The following BCR variants were observed in gnomAD, a reference collection of about 807,000 sequenced individuals.
BCR encodes the protein BCR activator of RhoGEF and GTPase, also known as breakpoint cluster region protein.
Under a neutral mutation model 138.6 loss-of-function variants are expected in BCR, and 58 were observed. The ratio of observed to expected loss-of-function variants is 0.42; its 90% CI spans 0.34 to 0.52. BCR has a LOEUF of 0.52. BCR is among the 20% of genes least tolerant of loss of function. The probability of loss-of-function intolerance (pLI) is 0.06; values close to 1 mark genes in which losing one functional copy is unlikely to be tolerated. For missense variants in BCR, 1,599 were observed against 1,727.2 expected, an observed-to-expected ratio of 0.93 and a Z score of 1.32; for synonymous variants, 786 against 730.1, an observed-to-expected ratio of 1.08 and a Z score of -1.23.
Position 23,253,966 on chromosome 22 carries a change from G to T in BCR, c.1447G>T (p.Glu483Ter), listed in dbSNP as rs1267825856. 6.2e-7 allele frequency: 1 copy of T among 1,612,488 alleles called. No homozygotes were observed. Among genetic ancestry groups the T allele is most frequent in the African/African-American group, 1.3e-5 (1 of 75,026 alleles). ...GGATGCGCTGGTCTCGGGAGCCCTG[G>T]AGTCCACTAAAGCGGTGAGTCCCCA... ...SRDALVSGALESTKASELDLE... is the reference protein window; with the variant it reads ...SRDALVSGAL The change falls in exon 2 of 23, where the codon GAG (glutamate) becomes TAG (stop). Residue 483 changes from glutamate to a stop codon, truncating the protein, a stop_gained. Transcript: ENST00000305877. LOFTEE classifies it high-confidence loss of function.
chr22:23,184,478 A>AT (rs1252745132), intron 1 of BCR, among the ~76,000 whole-genome samples: 1 of 152,004 alleles, frequency 6.6e-6, no homozygotes, highest in Non-Finnish European at 1.5e-5. Flanking sequence ...TTAAGACTTA[A>AT]TTTTTTTAGA....
chr22:23,186,167 A>G (rs1381266190), intron 1 of BCR, among the ~76,000 whole-genome samples: 2 of 152,234 alleles, frequency 1.3e-5, no homozygotes, highest in East Asian at 1.9e-4. Context: ...ATCAGTCACC[A>G]GAAGTTGGAG....
At chr22:23,294,169 G>A (rs916230089) in intron 15 of BCR, among the ~76,000 whole-genome samples, 3 of 152,134 alleles carry the variant, frequency 2.0e-5, no homozygotes, top group African/African-American at 7.2e-5. Flanking sequence ...CTCAATTATG[G>A]ACATCCCACT....
chr22:23,262,988 C>T, intron 4 of BCR: 1 of 881,764 alleles, frequency 1.1e-6, no homozygotes, highest in Non-Finnish European at 1.5e-6. Context: ...ATGAGGGGAG[C>T]GTAGGGGCCG....
At chr22:23,228,522 G>C (rs931388532) in intron 1 of BCR, among the ~76,000 whole-genome samples, 1 of 152,156 alleles carries the variant, frequency 6.6e-6, no homozygotes, top group Non-Finnish European at 1.5e-5. Flanking sequence ...CTACCTTATA[G>C]TTCTGGCCAG....
In BCR at chr22:23,234,662, T is replaced by G. The variant is rs556579086; in HGVS notation, c.1280-19137T>G. On this transcript the variant is annotated intron_variant, in intron 1 of 22. Coordinates refer to ENST00000305877, the MANE Select transcript of BCR (RefSeq NM_004327.4). Reference sequence around the variant, plus strand: ...AGGGCCAAGACTCAGGGAGGCCATCTGGATGGGGAAGGTGTGAGCCGAGGC... The same window carrying G: ...AGGGCCAAGACTCAGGGAGGCCATCGGGATGGGGAAGGTGTGAGCCGAGGC... Among the ~76,000 whole-genome samples the G allele has an allele frequency of 2.5e-4, 37 of 146,216 alleles. 2 individuals carry two copies. The highest frequency in any genetic ancestry group is 3.1e-4 in the Non-Finnish European group (20 of 64,068).
intron 1 of BCR, among the ~76,000 whole-genome samples, chr22:23,195,819 C>T (rs973451500): frequency 3.2e-4 from 49 of 152,252 alleles, no homozygotes; most frequent in Middle Eastern, 3.4e-3. Flanking sequence ...ACCCGGGAGG[C>T]GGAGGTTGCA....
At chr22:23,198,293 G>A (rs758773007) in intron 1 of BCR, 6 of 444,262 alleles carry the variant, frequency 1.4e-5, no homozygotes, top group Admixed American at 2.7e-5. Flanking sequence ...GCTCTGTTCC[G>A]GGGCAGGGCC....
chr22:23,232,153 G>A (rs2072966080), intron 1 of BCR, among the ~76,000 whole-genome samples: 1 of 152,258 alleles, frequency 6.6e-6, no homozygotes, highest in Non-Finnish European at 1.5e-5. Flanking sequence ...AGGGCCTGCT[G>A]GTTTTAGAGC....
In BCR at chr22:23,181,662, C is replaced by T. The variant is rs896482285; in HGVS notation, c.702C>T (p.Arg234=). 1.2e-6 allele frequency: 2 copies of T among 1,607,936 alleles called. No homozygotes were observed. The highest frequency in any genetic ancestry group is 1.1e-5 in the South Asian group (1 of 91,074). ...GDASRPPYRG[R]SSESSCGVDG... ...CATCCAGGCCCCCTTACCGGGGACGCTCCTCGGAGAGCAGCTGCGGCGTCG... is the reference window on the plus strand; with the variant it reads ...CATCCAGGCCCCCTTACCGGGGACGTTCCTCGGAGAGCAGCTGCGGCGTCG... The change falls in exon 1 of 23, where the codon CGC becomes CGT. Residue 234 remains arginine, a synonymous_variant. Transcript: ENST00000305877.
intron 17 of BCR, chr22:23,310,010 T>C (rs1187155241): frequency 2.4e-6 from 1 of 417,598 alleles, no homozygotes; most frequent in East Asian, 5.2e-5. Flanking sequence ...GGAGAATCAC[T>C]GGAACCCAAG....
intron 1 of BCR, among the ~76,000 whole-genome samples, chr22:23,187,053 G>T (rs2072352565): frequency 6.6e-6 from 1 of 152,160 alleles, no homozygotes; most frequent in African/African-American, 2.4e-5. Flanking sequence ...CTTTTTGAAG[G>T]CAGGAATAAC....
intron 15 of BCR, 98 bp downstream of exon 15, chr22:23,292,736 TCCCCCGA>T: frequency 9.7e-7 from 1 of 1,031,364 alleles, no homozygotes; most frequent in Non-Finnish European, 1.4e-6. Context: ...CCTGAGGGCT[TCCCCCGA>T]AGGCAGTGCT....
rs1476174645 is a variant in BCR at position 23,315,611 on chromosome 22, T to C, written c.*89T>C. On this transcript the variant is annotated 3_prime_UTR_variant, in exon 23 of 23. Coordinates refer to ENST00000305877, the MANE Select transcript of BCR (RefSeq NM_004327.4). ...CCGTAGAGCGGGAACCTTCCTGAGG[T>C]GTCCTTGGGCCACCCCCAAGTGTTG... The C allele has an allele frequency of 1.4e-5, 17 of 1,258,656 alleles. No individual in the cohort carries two copies. The highest frequency in any genetic ancestry group is 2.9e-5 in the African/African-American group (2 of 67,890). The allele number at this position is 1,258,656 out of a possible 1,614,324, so 78.0% of individuals were successfully genotyped here. A position where few individuals can be genotyped will look rare whatever the true frequency, so the allele number is the denominator to read the frequency against.
intron 16 of BCR, chr22:23,306,314 G>A (rs1416760822): frequency 6.6e-6 from 1 of 152,352 alleles, no homozygotes; most frequent in African/African-American, 2.4e-5. Context: ...CCCACCCAGG[G>A]CTGCACATTG....
chr22:23,287,109 T>C, intron 10 of BCR, 50 bp from the exon 11 acceptor site: 1 of 1,558,712 alleles, frequency 6.4e-7, no homozygotes, highest in Non-Finnish European at 8.7e-7. Context: ...TGGGAGTGGG[T>C]TGTGTGGAGC....
intron 1 of BCR, among the ~76,000 whole-genome samples, chr22:23,189,415 A>G (rs2072386843): frequency 6.6e-6 from 1 of 152,018 alleles, no homozygotes; most frequent in East Asian, 1.9e-4. Context: ...GGAGTCTTAT[A>G]ATATTTGTCC....
At chr22:23,190,354 G>A (rs2072398298) in intron 1 of BCR, among the ~76,000 whole-genome samples, 1 of 152,082 alleles carries the variant, frequency 6.6e-6, no homozygotes, top group Non-Finnish European at 1.5e-5. Flanking sequence ...TTTTAGTAGA[G>A]ACGGGGTTTC....
rs546583618 is a variant in BCR, at chr22:23,236,570, T to C, written c.1280-17229T>C. Reference sequence around the variant, plus strand: ...GGCAACGCACACCTACTAGCCAAGATACAAAGCACTTAATACAGGGAGGAG... The same window carrying C: ...GGCAACGCACACCTACTAGCCAAGACACAAAGCACTTAATACAGGGAGGAG... On this transcript the variant is annotated intron_variant, in intron 1 of 22. Transcript: ENST00000305877. Among the ~76,000 whole-genome samples, 23 of 152,326 alleles carry C rather than the reference T, an allele frequency of 1.5e-4. No homozygotes were observed. The East Asian group carries it at 3.7e-3, about 24-fold the overall frequency.
Sources: allele counts gnomAD v4.1 joint callset (sites outside exome capture counted in the v4.1 genomes callset), GRCh38; gene constraint gnomAD v4.1.1; transcripts MANE v1.5; gene names NCBI Gene and HGNC (gene_info 2026-07-23, HGNC 2026-07-21).